Variants in PHACTR1 observed in about 807,000 individuals in gnomAD.
PHACTR1 encodes the protein phosphatase and actin regulator 1.
In PHACTR1, 16 loss-of-function variants were observed where a neutral mutation model predicts 69.2. The ratio of observed to expected loss-of-function variants is 0.23; its 90% CI spans 0.16 to 0.35. PHACTR1 has a LOEUF of 0.35. PHACTR1 is among the 10% of genes least tolerant of loss of function. PHACTR1 has a pLI of 1.00. For synonymous variants in PHACTR1, 312 were observed against 284.5 expected (o/e 1.10, Z -0.97); for missense variants, 510 against 734.7 (o/e 0.69, Z 3.54).
intron 5 of PHACTR1, among the ~76,000 whole-genome samples, chr6:13,086,841 A>G (rs1812398735): frequency 6.6e-6 from 1 of 152,100 alleles, no homozygotes; most frequent in South Asian, 2.1e-4. Flanking sequence ...TAACTTTATA[A>G]GAAATTGTCA....
intron 4 of PHACTR1, among the ~76,000 whole-genome samples, chr6:13,039,122 G>T (rs889652570): frequency 1.3e-5 from 2 of 152,182 alleles, no homozygotes; most frequent in Admixed American, 6.5e-5. Context: ...AATGGATTTG[G>T]CAGGCGGCCA....
chr6:12,812,364 T>C (rs1053957213), intron 4 of PHACTR1, among the ~76,000 whole-genome samples: 3 of 152,260 alleles, frequency 2.0e-5, no homozygotes, highest in African/African-American at 7.2e-5. Flanking sequence ...TGCTAACATT[T>C]TTTAAACACG....
intron 7 of PHACTR1, among the ~76,000 whole-genome samples, chr6:13,201,305 G>A (rs968042989): frequency 6.6e-6 from 1 of 152,204 alleles, no homozygotes; most frequent in East Asian, 1.9e-4. Context: ...CGCTTGAGGG[G>A]CAAATGCAAT....
intron 4 of PHACTR1, among the ~76,000 whole-genome samples, chr6:12,946,860 T>C (rs1193788513): frequency 7.2e-6 from 1 of 139,626 alleles, no homozygotes; most frequent in Non-Finnish European, 1.5e-5. Context: ...TCGCTCAGGC[T>C]GGAGTGCAGT....
At chr6:12,995,824 C>A (rs2127614227) in intron 4 of PHACTR1, among the ~76,000 whole-genome samples, 1 of 151,970 alleles carries the variant, frequency 6.6e-6, no homozygotes, top group Non-Finnish European at 1.5e-5. Flanking sequence ...TTCACAGTAA[C>A]TTATACATTA....
chr6:12,825,893 A>G (rs1776750950), intron 4 of PHACTR1, among the ~76,000 whole-genome samples: 1 of 152,118 alleles, frequency 6.6e-6, no homozygotes, highest in Non-Finnish European at 1.5e-5. Context: ...AACATTACAA[A>G]TAACACATGA....
chr6:12,942,507 A>C (rs943491324), intron 4 of PHACTR1, among the ~76,000 whole-genome samples: 4 of 152,180 alleles, frequency 2.6e-5, no homozygotes, highest in Non-Finnish European at 5.9e-5. Context: ...TTAAAGTCAC[A>C]CAGTGGCCAG....
intron 3 of PHACTR1, among the ~76,000 whole-genome samples, chr6:12,723,995 A>G (rs1762468548): frequency 6.6e-6 from 1 of 152,208 alleles, no homozygotes; most frequent in African/African-American, 2.4e-5. Flanking sequence ...TTCCACTTTA[A>G]ATGAATTTGA....
intron 4 of PHACTR1, among the ~76,000 whole-genome samples, chr6:12,973,995 C>T (rs1248327530): frequency 7.0e-6 from 1 of 143,264 alleles, no homozygotes; most frequent in Admixed American, 7.2e-5. Flanking sequence ...GATCTCAGCT[C>T]GCTGCAACCT....
At chr6:13,174,202 A>G (rs1456347538) in intron 6 of PHACTR1, among the ~76,000 whole-genome samples, 1 of 152,248 alleles carries the variant, frequency 6.6e-6, no homozygotes, top group South Asian at 2.1e-4. Flanking sequence ...CTGGGAAGCT[A>G]AAATGGGAAC....
At chr6:12,861,583 A>T (rs1053711601) in intron 4 of PHACTR1, among the ~76,000 whole-genome samples, 1 of 152,232 alleles carries the variant, frequency 6.6e-6, no homozygotes, top group Non-Finnish European at 1.5e-5. Flanking sequence ...TCAATGAAAC[A>T]GGGTAGAGGC....
At chr6:13,114,944 G>C (rs115300392) in intron 5 of PHACTR1, among the ~76,000 whole-genome samples, 3,498 of 152,206 alleles carry the variant, frequency 0.023, 118 homozygotes, top group African/African-American at 0.079. Flanking sequence ...TATTCTCACA[G>C]AACTAGTCTT....
chr6:13,170,473 G>A (rs12110963), intron 6 of PHACTR1, among the ~76,000 whole-genome samples: 1,781 of 152,226 alleles, frequency 0.012, 34 homozygotes, highest in African/African-American at 0.041. Flanking sequence ...GCCTTCCAAT[G>A]CTCTATTACT....
At chr6:13,258,061 C>CA (rs935250362) in intron 10 of PHACTR1, among the ~76,000 whole-genome samples, 6 of 152,056 alleles carry the variant, frequency 3.9e-5, no homozygotes, top group African/African-American at 9.6e-5. Flanking sequence ...AACAAACAAA[C>CA]AAAAAAATAC....
chr6:12,967,949 A>G (rs1226063618), intron 4 of PHACTR1, among the ~76,000 whole-genome samples: 1 of 152,258 alleles, frequency 6.6e-6, no homozygotes, highest in Middle Eastern at 3.2e-3. Flanking sequence ...AAGAGCTAAC[A>G]GACGCCTGAG....
At chr6:13,068,514 T>C (rs1255037975) in intron 5 of PHACTR1, among the ~76,000 whole-genome samples, 2 of 152,150 alleles carry the variant, frequency 1.3e-5, no homozygotes, top group Non-Finnish European at 2.9e-5. Context: ...TTTCAGTCTG[T>C]GGATGGTGTA....
intron 5 of PHACTR1, among the ~76,000 whole-genome samples, chr6:13,069,324 C>T (rs987544746): frequency 2.6e-5 from 4 of 152,142 alleles, no homozygotes; most frequent in Non-Finnish European, 4.4e-5. Flanking sequence ...GTCCCAGTGC[C>T]ATTTCTTTCA....
intron 4 of PHACTR1, among the ~76,000 whole-genome samples, chr6:13,047,197 G>A (rs1242708661): frequency 6.6e-6 from 1 of 151,966 alleles, no homozygotes; most frequent in Non-Finnish European, 1.5e-5. Flanking sequence ...GGACAACATG[G>A]TGAAACCTTG....
intron 4 of PHACTR1, among the ~76,000 whole-genome samples, chr6:12,962,632 T>C (rs1480121072): frequency 2.0e-5 from 3 of 152,202 alleles, no homozygotes; most frequent in Non-Finnish European, 4.4e-5. Flanking sequence ...CCTTGTTTTA[T>C]TGACTTCCAC....
Sources: allele counts gnomAD v4.1 joint callset (sites outside exome capture counted in the v4.1 genomes callset), GRCh38; gene constraint gnomAD v4.1.1; transcripts MANE v1.5; gene names NCBI Gene and HGNC (gene_info 2026-07-23, HGNC 2026-07-21).